The following BMAL2 variants were observed in gnomAD, a reference collection of about 807,000 sequenced individuals.
The protein encoded by BMAL2 is basic helix-loop-helix ARNT like 2, also known as basic helix-loop-helix ARNT-like protein 2.
At chr12:27,408,443 G>A in the BMAL2 span, among the ~76,000 whole-genome samples, 6 of 152,040 alleles carry the variant, frequency 3.9e-5, no homozygotes, top group African/African-American at 1.2e-4. Flanking sequence ...TTCAACATAC[G>A]CAAATCAATA....
the BMAL2 span, among the ~76,000 whole-genome samples, chr12:27,344,393 C>G: frequency 5.5e-3 from 831 of 152,254 alleles, 4 homozygotes; most frequent in Non-Finnish European, 7.5e-3. Context: ...GTGTATTAGT[C>G]AAGGTTCAAC....
chr12:27,350,994 C>CCCCCCTTT, the BMAL2 span, among the ~76,000 whole-genome samples: 13 of 94,256 alleles, frequency 1.4e-4, no homozygotes, highest in African/African-American at 3.0e-4. Context: ...CCCACCCCCC[C>CCCCCCTTT]TTTTTTTTTT....
chr12:27,341,000 C>T, the BMAL2 span, among the ~76,000 whole-genome samples: 3 of 152,122 alleles, frequency 2.0e-5, no homozygotes, highest in Admixed American at 1.3e-4. Context: ...GCTTAAGGTG[C>T]TTTTGGCCCG....
At chr12:27,409,038 G>A in the BMAL2 span, among the ~76,000 whole-genome samples, 1 of 152,094 alleles carries the variant, frequency 6.6e-6, no homozygotes, top group Non-Finnish European at 1.5e-5. Flanking sequence ...AACTTACAAG[G>A]GATGTGAAGG....
At chr12:27,353,495 C>A in the BMAL2 span, among the ~76,000 whole-genome samples, 1 of 152,086 alleles carries the variant, frequency 6.6e-6, no homozygotes, top group Non-Finnish European at 1.5e-5. Flanking sequence ...CTAGAAAATA[C>A]CATTCTTGAT....
At chr12:27,369,305 G>T in the BMAL2 span, among the ~76,000 whole-genome samples, 1 of 151,594 alleles carries the variant, frequency 6.6e-6, no homozygotes, top group Admixed American at 6.6e-5. Flanking sequence ...TTGGTGGGGG[G>T]GGTGGTATTC....
chr12:27,409,760 A>G, the BMAL2 span, among the ~76,000 whole-genome samples: 2 of 151,886 alleles, frequency 1.3e-5, no homozygotes, highest in Admixed American at 6.5e-5. Flanking sequence ...TAATTAAACT[A>G]AAGAGCTTCT....
At chr12:27,385,330 AT>A in the BMAL2 span, 1 of 551,792 alleles carries the variant, frequency 1.8e-6, no homozygotes, top group East Asian at 3.0e-5. Context: ...AAATAATTAA[AT>A]TAAATGAAAA....
the BMAL2 span, among the ~76,000 whole-genome samples, chr12:27,383,101 G>C: frequency 6.6e-6 from 1 of 152,162 alleles, no homozygotes; most frequent in African/African-American, 2.4e-5. Context: ...GAAGCACAGT[G>C]GTTCACACGC....
At chr12:27,389,313 G>T in the BMAL2 span, 7 of 1,482,952 alleles carry the variant, frequency 4.7e-6, no homozygotes, top group Non-Finnish European at 6.6e-6. Context: ...GTCCATTTCC[G>T]CATGCTTATT....
chr12:27,405,047 G>A, the BMAL2 span, among the ~76,000 whole-genome samples: 52 of 152,312 alleles, frequency 3.4e-4, 2 homozygotes, highest in African/African-American at 1.1e-3. Context: ...AGCGAGGCTG[G>A]GGGAGGGGTG....
the BMAL2 span, chr12:27,420,356 G>T: frequency 1.2e-6 from 2 of 1,608,372 alleles, no homozygotes; most frequent in East Asian, 2.2e-5. Context: ...TGACTTTACT[G>T]ATCACCTTTA....
chr12:27,382,989 C>T, the BMAL2 span, among the ~76,000 whole-genome samples: 1 of 152,218 alleles, frequency 6.6e-6, no homozygotes, highest in African/African-American at 2.4e-5. Flanking sequence ...CTTGATCTCA[C>T]CACAGTTTGC....
the BMAL2 span, among the ~76,000 whole-genome samples, chr12:27,347,196 C>T: frequency 4.6e-5 from 7 of 152,264 alleles, no homozygotes; most frequent in East Asian, 9.6e-4. Context: ...TAGTCAAGTA[C>T]GAGATAAACC....
the BMAL2 span, among the ~76,000 whole-genome samples, chr12:27,358,545 T>C: frequency 6.6e-6 from 1 of 152,128 alleles, no homozygotes; most frequent in Non-Finnish European, 1.5e-5. Flanking sequence ...TGGCATAGGA[T>C]TTTACTGAAT....
At chr12:27,363,986 A>G in the BMAL2 span, among the ~76,000 whole-genome samples, 2 of 152,156 alleles carry the variant, frequency 1.3e-5, no homozygotes, top group African/African-American at 4.8e-5. Context: ...ATTTCTGACA[A>G]TTCTAGAGGC....
the BMAL2 span, among the ~76,000 whole-genome samples, chr12:27,345,366 GTTTT>G: frequency 6.6e-6 from 1 of 152,060 alleles, no homozygotes; most frequent in East Asian, 1.9e-4. Context: ...TTTAAGTTCT[GTTTT>G]TTTTATTTTC....
the BMAL2 span, among the ~76,000 whole-genome samples, chr12:27,412,363 G>A: frequency 6.6e-6 from 1 of 152,074 alleles, no homozygotes; most frequent in Non-Finnish European, 1.5e-5. Context: ...GTGAGCAGTG[G>A]GGGTTCCTAA....
the BMAL2 span, chr12:27,401,306 T>C: frequency 1.9e-6 from 3 of 1,614,166 alleles, no homozygotes; most frequent in Non-Finnish European, 2.5e-6. Context: ...GGGAACTTCT[T>C]GTTATGAATA....
Sources: allele counts gnomAD v4.1 joint callset (sites outside exome capture counted in the v4.1 genomes callset), GRCh38; gene constraint gnomAD v4.1.1; transcripts MANE v1.5; gene names NCBI Gene and HGNC (gene_info 2026-07-23, HGNC 2026-07-21).